Variants in ZSCAN25 observed in about 807,000 individuals in gnomAD.
The protein encoded by ZSCAN25 is zinc finger and SCAN domain containing 25.
Under a neutral mutation model 38.7 loss-of-function variants are expected in ZSCAN25, and 27 were observed. The ratio of observed to expected loss-of-function variants is 0.70; its 90% CI spans 0.51 to 0.96. The LOEUF is 0.96. Among genes scored for constraint, ZSCAN25 ranks in the 40% least tolerant of loss-of-function variants. The pLI, the probability that ZSCAN25 is intolerant of heterozygous loss-of-function variation, is 0.00. For synonymous variants in ZSCAN25, 273 were observed against 277.7 expected, an observed-to-expected ratio of 0.98 and a Z score of 0.17; for missense variants, 637 against 705.9, an observed-to-expected ratio of 0.90 and a Z score of 1.11.
Position 99,631,353 on chromosome 7 carries a change from TA to T in ZSCAN25, c.*1342del, listed in dbSNP as rs35306541. The stretch of plus-strand genomic sequence containing the variant: ...GAAAAATAAAGATATTTGTAGGCAT[TA>T]AAAAAAAATACATTTCTTTAAAAAT... On this transcript the variant is annotated 3_prime_UTR_variant, in exon 8 of 8. Coordinates refer to ENST00000394152, the MANE Select transcript of ZSCAN25 (RefSeq NM_145115.3). 7.9e-3 allele frequency: 7,352 copies of T among 929,330 alleles called. 357 individuals are homozygous for T. The African/African-American group carries it at 0.11, about 14-fold the overall frequency. 57.6% of individuals were successfully genotyped at this position (929,330 alleles called of 1,614,324 possible).
the ZSCAN25 span, among the ~76,000 whole-genome samples, chr7:99,668,073 G>A: frequency 3.9e-5 from 6 of 152,130 alleles, no homozygotes; most frequent in Non-Finnish European, 8.8e-5. Context: ...GAACGAATAG[G>A]TAAGTTCTGC....
rs1284071605 is a variant in ZSCAN25, at chr7:99,619,585, TCTC to T, written c.-18_-16del. 2.5e-6 allele frequency: 4 copies of T among 1,589,116 alleles called. No individual in the cohort carries two copies. The highest frequency in any genetic ancestry group is 3.4e-6 in the Non-Finnish European group (4 of 1,166,580). On this transcript the variant is annotated 5_prime_UTR_variant, in exon 4 of 8. Transcript: ENST00000394152. The stretch of plus-strand genomic sequence containing the variant: ...GGGTCATTGATGCAGTCATTCTCAG[TCTC>T]CTCGGAGGGAGTCTGAAGATGCTTA...
the ZSCAN25 span, chr7:99,707,723 T>C: frequency 6.4e-7 from 1 of 1,567,076 alleles, no homozygotes. Context: ...TATTAAAAGA[T>C]TAAGTGAGTG....
chr7:99,706,686 G>A, the ZSCAN25 span, among the ~76,000 whole-genome samples: 4 of 152,196 alleles, frequency 2.6e-5, no homozygotes, highest in Non-Finnish European at 5.9e-5. Flanking sequence ...TATTTTCCCT[G>A]CAGACAGACA....
At chr7:99,663,875 T>C in the ZSCAN25 span, 67 of 1,457,486 alleles carry the variant, frequency 4.6e-5, no homozygotes, top group African/African-American at 5.8e-5. Flanking sequence ...TCTGTCTTTA[T>C]TTTTAAAAAT....
At chr7:99,676,444 C>T in the ZSCAN25 span, 1 of 1,460,840 alleles carries the variant, frequency 6.8e-7, no homozygotes, top group Non-Finnish European at 9.2e-7. Context: ...TTCATAGTCC[C>T]AATCCTGGAG....
chr7:99,660,464 C>T, the ZSCAN25 span: 1 of 1,568,918 alleles, frequency 6.4e-7, no homozygotes, highest in Non-Finnish European at 8.6e-7. Flanking sequence ...TAAGGCTTCA[C>T]CTCTTCCCTT....
chr7:99,714,898 G>A, the ZSCAN25 span, among the ~76,000 whole-genome samples: 1 of 152,174 alleles, frequency 6.6e-6, no homozygotes, highest in Admixed American at 6.5e-5. Context: ...AGTGAGATCA[G>A]CAGCCCCTTC....
the ZSCAN25 span, among the ~76,000 whole-genome samples, chr7:99,699,109 G>A: frequency 1.3e-5 from 2 of 152,068 alleles, no homozygotes; most frequent in South Asian, 2.1e-4. Context: ...AACACAAAGG[G>A]GAAAAAATGT....
chr7:99,727,138 C>G, the ZSCAN25 span, among the ~76,000 whole-genome samples: 1 of 152,178 alleles, frequency 6.6e-6, no homozygotes, highest in Admixed American at 6.5e-5. Flanking sequence ...CTAGCTCTTC[C>G]TGACTCATCC....
Position 99,629,364 on chromosome 7 carries a change from C to T in ZSCAN25, c.979C>T (p.Pro327Ser). Residue 327 changes from proline (P) to serine (S), a missense_variant, in exon 8 of 8, where the codon CCC becomes TCC. Transcript: ENST00000394152. This position sits in a 1 kb window ranked among gnomAD's most constrained non-coding sequence, Gnocchi z 5.6. The stretch of plus-strand genomic sequence containing the variant: ...AGGCAGTGCGCCTGGGCTTCCTCCT[C>T]CCCAGCACGGTGCCATCCCCCTGCC... ...PAGSAPGLPP[P>S]QHGAIPLPDE... 1.9e-6 allele frequency: 3 copies of T among 1,614,198 alleles called. No homozygotes were observed. The highest frequency in any genetic ancestry group is 2.5e-6 in the Non-Finnish European group (3 of 1,180,032).
the ZSCAN25 span, chr7:99,705,699 A>G: frequency 5.0e-6 from 7 of 1,386,542 alleles, no homozygotes; most frequent in Non-Finnish European, 7.0e-6. Context: ...CTTTGTAAAC[A>G]TATAAAAACT....
chr7:99,703,587 C>G, the ZSCAN25 span, among the ~76,000 whole-genome samples: 1 of 152,152 alleles, frequency 6.6e-6, no homozygotes, highest in Non-Finnish European at 1.5e-5. Context: ...TGAATATACA[C>G]GAATACATCC....
downstream of ZSCAN25, among the ~76,000 whole-genome samples, chr7:99,636,685 CTA>C (rs1286141136): frequency 6.6e-6 from 1 of 152,182 alleles, no homozygotes; most frequent in Non-Finnish European, 1.5e-5. Flanking sequence ...TTCCTTAAGG[CTA>C]TATAGGAGCC....
At chr7:99,621,605 G>C (rs866138940) in intron 5 of ZSCAN25, 31 bp downstream of exon 5, 1 of 1,340,430 alleles carries the variant, frequency 7.5e-7, no homozygotes, top group Non-Finnish European at 9.7e-7. Context: ...GGGGATGTCA[G>C]GTCATAGGAA....
chr7:99,691,488 C>G, the ZSCAN25 span, among the ~76,000 whole-genome samples: 4 of 152,138 alleles, frequency 2.6e-5, no homozygotes, highest in African/African-American at 9.7e-5. Context: ...CTAATATTGA[C>G]AATGGGGTGT....
At chr7:99,691,350 G>A in the ZSCAN25 span, among the ~76,000 whole-genome samples, 3 of 152,146 alleles carry the variant, frequency 2.0e-5, no homozygotes, top group South Asian at 4.1e-4. Flanking sequence ...GCTAAATGAC[G>A]AGTTAATGGG....
In ZSCAN25 at chr7:99,629,245, C is replaced by T. The variant is rs190565948; in HGVS notation, c.860C>T (p.Ala287Val). 1.2e-5 allele frequency: 19 copies of T among 1,613,976 alleles called. No homozygotes were observed. The Admixed American group carries it at 2.0e-4, about 17-fold the overall frequency. ...AKPPQEDLKG[A>V]LVALTSERFG... ...CCCCCACAGGAAGACCTGAAAGGGG[C>T]GCTGGTGGCACTGACATCAGAGAGG... The change falls in exon 8 of 8, where the codon GCG becomes GTG. Residue 287 changes from alanine (A) to valine (V), a missense_variant. Coordinates refer to ENST00000394152, the MANE Select transcript of ZSCAN25 (RefSeq NM_145115.3). This position sits in a 1 kb window ranked among gnomAD's most constrained non-coding sequence, Gnocchi z 5.6.
chr7:99,636,046 CAAAAAAAAAAAAAAA>C (rs780898445), downstream of ZSCAN25, among the ~76,000 whole-genome samples: 1 of 43,406 alleles, frequency 2.3e-5, no homozygotes, highest in Non-Finnish European at 5.4e-5. Context: ...GACTCCATCT[CAAAAAAAAAAAAAAA>C]AAAAAAAAAG....
Sources: gnomAD v4.1 joint callset for allele counts (sites outside exome capture counted in the v4.1 genomes callset) on GRCh38, gnomAD v4.1.1 for gene constraint, Gnocchi (gnomAD v3.1) non-coding constraint, MANE v1.5 for transcripts, NCBI Gene and HGNC (gene_info 2026-07-23, HGNC 2026-07-21) for gene names.